Variants in DAPK1 observed in about 807,000 individuals in gnomAD.
DAPK1 encodes the protein death associated protein kinase 1.
A neutral mutation model predicts 144.9 loss-of-function variants in DAPK1; 56 were observed. The observed-to-expected ratio is 0.39, with a 90% CI of 0.31 to 0.48. DAPK1 has a LOEUF of 0.48. Among genes scored for constraint, DAPK1 ranks in the 20% least tolerant of loss-of-function variants. The probability of loss-of-function intolerance (pLI) is 0.95; values close to 1 mark genes in which losing one functional copy is unlikely to be tolerated. For synonymous variants in DAPK1, 690 were observed against 749.0 expected, an observed-to-expected ratio of 0.92 and a Z score of 1.29; for missense variants, 1,454 against 1,875.4, an observed-to-expected ratio of 0.78 and a Z score of 4.15.
rs777004845 is a variant in DAPK1, at chr9:87,648,852, C to T, written c.1401C>T (p.Phe467=). 19 of 1,614,104 alleles carry T rather than the reference C, an allele frequency of 1.2e-5. No individual in the cohort carries two copies. The highest frequency in any genetic ancestry group is 8.0e-5 in the African/African-American group (6 of 74,946). Residue 467 remains phenylalanine (F), a synonymous_variant, in exon 15 of 26, where the codon TTC becomes TTT. Transcript: ENST00000408954. ...ACGTGGCTCAGTTACTGTGCAGCTT[C>T]GGCTCAAATCCCAATATCCAGGACA... ...HADVAQLLCS[F]GSNPNIQDKE... is the part of the protein sequence containing the mutation.
At chr9:87,497,725 G>A (rs905906265), upstream of DAPK1, 6 of 261,552 alleles carry the variant, frequency 2.3e-5, no homozygotes, top group Non-Finnish European at 3.6e-5. Context: ...GAGGAGCAGC[G>A]AGCGCCGCGC....
In DAPK1 at chr9:87,602,528, T is replaced by C. The variant is rs891080968; in HGVS notation, c.63-2426T>C. On this transcript the variant is annotated intron_variant, in intron 2 of 25. Coordinates refer to ENST00000408954, the MANE Select transcript of DAPK1 (RefSeq NM_004938.4). ...ATAAATAAAATGGAGAAACTTCCAA[T>C]ATAGAACATTTGGAGGTGAAAACGC... Among the ~76,000 whole-genome samples, 32 of 152,214 alleles carry C rather than the reference T, an allele frequency of 2.1e-4. No homozygotes were observed. The East Asian group carries it at 2.5e-3, about 12-fold the overall frequency.
chr9:87,499,478 G>T, intron 2 of DAPK1: 1 of 361,892 alleles, frequency 2.8e-6, no homozygotes, highest in Non-Finnish European at 5.0e-6. Flanking sequence ...TGCAATTGGA[G>T]TTAGCTTTTA....
chr9:87,605,213 G>A (rs1828671886), intron 3 of DAPK1, 38 bp downstream of exon 3: 1 of 1,555,304 alleles, frequency 6.4e-7, no homozygotes, highest in African/African-American at 1.4e-5. Context: ...AGAGGGTGTG[G>A]TGGGCGTCAG....
At chr9:87,679,965 C>T (rs1434740812) in intron 19 of DAPK1, among the ~76,000 whole-genome samples, 4 of 152,076 alleles carry the variant, frequency 2.6e-5, no homozygotes, top group Non-Finnish European at 5.9e-5. Context: ...ATGATTAAAT[C>T]GAAGGCTTCT....
At chr9:87,662,570 T>TTTGTTG (rs1554700260) in intron 18 of DAPK1, among the ~76,000 whole-genome samples, 1 of 135,792 alleles carries the variant, frequency 7.4e-6, no homozygotes, top group Middle Eastern at 3.5e-3. Context: ...GTTTTTTTTT[T>TTTGTTG]TTTTTTTTTT....
rs1827763082 is a variant in DAPK1 at position 87,581,863 on chromosome 9, A to G, written c.63-23091A>G. 2.0e-5 allele frequency among the ~76,000 whole-genome samples: 3 copies of G among 152,180 alleles called. No individual in the cohort carries two copies. In the South Asian group the frequency reaches 6.2e-4, roughly 32 times the overall value. ...GATCATGTGCCCTGAGGTCATATGT[A>G]TTTTTAAACATTTATTCCCACTCAT... On this transcript the variant is annotated intron_variant, in intron 2 of 25. Transcript: ENST00000408954.
chr9:87,541,260 A>T (rs1487124825), intron 2 of DAPK1, among the ~76,000 whole-genome samples: 3 of 152,108 alleles, frequency 2.0e-5, no homozygotes, highest in Admixed American at 6.6e-5. Flanking sequence ...TTAAAGAATG[A>T]TGGAGGGCCT....
At chr9:87,538,037 CATTTTT>C (rs934249748) in intron 2 of DAPK1, among the ~76,000 whole-genome samples, 1 of 152,166 alleles carries the variant, frequency 6.6e-6, no homozygotes, top group Non-Finnish European at 1.5e-5. Context: ...AGTATCTTCC[CATTTTT>C]ACTTTAAGGT....
rs753233208 is a variant in DAPK1, at chr9:87,638,050, A to G, written c.392A>G (p.His131Arg). ...KQILNGVYYLHSLQIAHFDLK... is the reference protein window; with the variant it reads ...KQILNGVYYLRSLQIAHFDLK... ...ATTCTTAATGGTGTTTACTACCTGC[A>G]CTCCCTTCAAATCGCCCACTTTGAT... is the stretch of plus-strand genomic sequence containing the variant. Residue 131 changes from histidine (H) to arginine (R), a missense_variant, in exon 4 of 26, where the codon CAC (histidine) becomes CGC (arginine). Coordinates refer to ENST00000408954, the MANE Select transcript of DAPK1 (RefSeq NM_004938.4). The G allele has an allele frequency of 1.2e-6, 2 of 1,613,326 alleles. No individual in the cohort carries two copies. The highest frequency in any genetic ancestry group is 8.5e-7 in the Non-Finnish European group (1 of 1,179,380).
At chr9:87,655,218 C>G (rs1444412268) in intron 17 of DAPK1, among the ~76,000 whole-genome samples, 1 of 152,190 alleles carries the variant, frequency 6.6e-6, no homozygotes, top group Non-Finnish European at 1.5e-5. Context: ...CAGAAGTGTG[C>G]TGGTTCCACA....
chr9:87,604,228 G>A (rs1397717740), intron 2 of DAPK1, among the ~76,000 whole-genome samples: 1 of 152,132 alleles, frequency 6.6e-6, no homozygotes, highest in East Asian at 1.9e-4. Context: ...CTGTGTCTCT[G>A]CATCCTCTGA....
chr9:87,673,603 C>T (rs1288525664), intron 19 of DAPK1, among the ~76,000 whole-genome samples: 1 of 152,090 alleles, frequency 6.6e-6, no homozygotes, highest in East Asian at 1.9e-4. Context: ...GAAGAAGGAA[C>T]CTGGGGCAGG....
At chr9:87,566,268 G>T (rs1430477846) in intron 2 of DAPK1, among the ~76,000 whole-genome samples, 1 of 151,982 alleles carries the variant, frequency 6.6e-6, no homozygotes, top group Non-Finnish European at 1.5e-5. Flanking sequence ...TGATCCACCC[G>T]CCTCGGCCTC....
intron 2 of DAPK1, among the ~76,000 whole-genome samples, chr9:87,562,944 T>C (rs1301101143): frequency 6.6e-6 from 1 of 152,214 alleles, no homozygotes; most frequent in Non-Finnish European, 1.5e-5. Context: ...CTCAAACAAG[T>C]GCTGACCTCT....
At chr9:87,661,057 C>T (rs1161946599) in intron 18 of DAPK1, among the ~76,000 whole-genome samples, 2 of 152,204 alleles carry the variant, frequency 1.3e-5, no homozygotes, top group African/African-American at 2.4e-5. Context: ...CCAGGATGGT[C>T]TGGATCTCCT....
chr9:87,646,554 G>A lies in DAPK1; in HGVS notation c.1225G>A (p.Asp409Asn), dbSNP rs775214761. ...IKRGSRIDVQ[D>N]KGGSNAVYWA... ...AAGAGGCTCGAGAATCGATGTCCAG[G>A]ATAAGGTCATAATTGTTTTATTGAA... Residue 409 changes from aspartate (D) to asparagine (N), a missense_variant, in exon 13 of 26, where the codon GAT (aspartate) becomes AAT (asparagine). By Grantham distance (23) the Asp-to-Asn change is conservative (BLOSUM62 1). This residue lies in a region of DAPK1 where 429 missense variants were observed against 637.5 expected (regional missense o/e 0.67). Coordinates refer to ENST00000408954, the MANE Select transcript of DAPK1 (RefSeq NM_004938.4). The A allele has an allele frequency of 3.7e-6, 6 of 1,604,980 alleles. No individual in the cohort carries two copies. The highest frequency in any genetic ancestry group is 1.7e-6 in the Non-Finnish European group (2 of 1,171,892).
At chr9:87,525,309 A>T (rs1202473545) in intron 2 of DAPK1, 2 of 1,608,246 alleles carry the variant, frequency 1.2e-6, no homozygotes, top group African/African-American at 2.7e-5. Flanking sequence ...AAGATGGGTC[A>T]CCAGCAGCTG....
At chr9:87,557,921 A>G (rs1225508777) in intron 2 of DAPK1, among the ~76,000 whole-genome samples, 1 of 152,138 alleles carries the variant, frequency 6.6e-6, no homozygotes, top group Non-Finnish European at 1.5e-5. Context: ...AGCCTGGGTG[A>G]CAGAGTGAGA....
Sources: allele counts gnomAD v4.1 joint callset (sites outside exome capture counted in the v4.1 genomes callset), GRCh38; gene constraint gnomAD v4.1.1; regional missense constraint gnomAD v4.1.1; transcripts MANE v1.5; gene names NCBI Gene and HGNC (gene_info 2026-07-23, HGNC 2026-07-21).